CSMD2: variants seen among roughly 807,000 people sequenced by gnomAD.
The protein encoded by CSMD2 is CUB and sushi domain-containing protein 2.
In CSMD2, 130 loss-of-function variants were observed where a neutral mutation model predicts 398.5. The ratio of observed to expected loss-of-function variants is 0.33; its 90% CI spans 0.28 to 0.38. The LOEUF (loss-of-function observed/expected upper bound fraction) is 0.38, where lower values mean the gene tolerates loss of function less well. CSMD2 is among the 10% of genes least tolerant of loss of function. The probability of loss-of-function intolerance (pLI) is 1.00; values close to 1 mark genes in which losing one functional copy is unlikely to be tolerated. For synonymous variants in CSMD2, 1,828 were observed against 1,908.5 expected, an observed-to-expected ratio of 0.96 and a Z score of 1.10; for missense variants, 3,829 against 4,764.9, an observed-to-expected ratio of 0.80 and a Z score of 5.78.
chr1:34,114,796 G>A (rs1661445619), intron 1 of CSMD2, among the ~76,000 whole-genome samples: 1 of 151,976 alleles, frequency 6.6e-6, no homozygotes, highest in African/African-American at 2.4e-5. Flanking sequence ...CAAAATCATT[G>A]TCTTTAAGAA....
At chr1:33,517,898 C>T (rs919251312) in intron 70 of CSMD2, among the ~76,000 whole-genome samples, 7 of 152,358 alleles carry the variant, frequency 4.6e-5, no homozygotes, top group African/African-American at 7.2e-5. Flanking sequence ...TAACCCCCTC[C>T]GCAGGAACTG....
rs544167613 is a variant in CSMD2, at chr1:33,941,381, T to C, written c.518-5427A>G. ...CTGGACAAGCACCCTCCATATGTTT[T>C]GATTTCTTCTCTTCCATCAAGTAAC... On this transcript the variant is annotated intron_variant, in intron 3 of 70. Coordinates refer to ENST00000373381, the MANE Select transcript of CSMD2 (RefSeq NM_001281956.2). Among the ~76,000 whole-genome samples, 4 of 152,334 alleles carry C rather than the reference T, an allele frequency of 2.6e-5. No individual in the cohort carries two copies. The South Asian group carries it at 8.3e-4, about 32-fold the overall frequency.
chr1:33,564,717 T>C (rs1171377659), intron 53 of CSMD2, among the ~76,000 whole-genome samples: 1 of 152,232 alleles, frequency 6.6e-6, no homozygotes, highest in Non-Finnish European at 1.5e-5. Flanking sequence ...TCTTGCTTTC[T>C]GTAACCCTTA....
chr1:33,559,300 T>C lies in CSMD2; in HGVS notation c.8554A>G (p.Ile2852Val). The C allele has an allele frequency of 6.5e-7, 1 of 1,534,892 alleles. No individual in the cohort carries two copies. Among genetic ancestry groups the C allele is most frequent in the Non-Finnish European group, 8.7e-7 (1 of 1,146,804 alleles). Residue 2852 changes from isoleucine to valine, a missense_variant and splice_region_variant, in exon 54 of 71, where the codon ATC (isoleucine) becomes GTC (valine). By Grantham distance (29) the Ile-to-Val change is conservative. Around this residue, in one of 5 missense-constraint regions of CSMD2, gnomAD observed 917 missense variants for 1,199.5 expected, o/e 0.76. Transcript: ENST00000373381. The surrounding 1 kb of genome is among the most constrained non-coding windows in gnomAD (Gnocchi z 4.0). ...GATTGGGAGAGAAAGGGTGACTCACTTCTGCAGGTGGGCAGCATGTCACTC... is the reference window on the plus strand; with the variant it reads ...GATTGGGAGAGAAAGGGTGACTCACCTCTGCAGGTGGGCAGCATGTCACTC... ...QWSDMLPTCR[I>V]INCTDPGHQE...
chr1:34,081,062 A>G (rs550078137), intron 2 of CSMD2, among the ~76,000 whole-genome samples: 41 of 152,294 alleles, frequency 2.7e-4, no homozygotes, highest in South Asian at 8.3e-4. Flanking sequence ...GTACAACCTT[A>G]GGATAATAGA....
chr1:33,979,019 A>T (rs529068369), intron 3 of CSMD2, among the ~76,000 whole-genome samples: 2 of 152,168 alleles, frequency 1.3e-5, no homozygotes, highest in Admixed American at 1.3e-4. Context: ...AACCACAGCC[A>T]TCTCCACCCT....
At chr1:33,525,134 G>A in intron 65 of CSMD2, 91 bp from the exon 66 acceptor site, 4 of 1,369,068 alleles carry the variant, frequency 2.9e-6, no homozygotes, top group Non-Finnish European at 4.1e-6. Context: ...CCACTCACTG[G>A]GATTGTTTCC....
chr1:33,949,969 G>A (rs370713657), intron 3 of CSMD2, among the ~76,000 whole-genome samples: 2 of 152,188 alleles, frequency 1.3e-5, no homozygotes, highest in African/African-American at 4.8e-5. Context: ...TCTCTCCCCT[G>A]GGTTCCTTGC....
chr1:33,863,522 A>T (rs1050642742), intron 5 of CSMD2: 2 of 152,244 alleles, frequency 1.3e-5, no homozygotes, highest in African/African-American at 4.8e-5. Context: ...CCAAGTGCTC[A>T]GGTTTTAAAT....
At chr1:33,825,847 A>T in intron 6 of CSMD2, 73 bp from the exon 7 acceptor site, 1 of 1,250,680 alleles carries the variant, frequency 8.0e-7, no homozygotes, top group South Asian at 1.3e-5. Context: ...CTCTAGAAGG[A>T]TTCCCCCTTG....
At chr1:34,011,387 T>C (rs776244736) in intron 3 of CSMD2, among the ~76,000 whole-genome samples, 3 of 152,274 alleles carry the variant, frequency 2.0e-5, no homozygotes, top group Non-Finnish European at 4.4e-5. Context: ...GAGTCCCATT[T>C]CCATTTGCTC....
chr1:33,576,329 A>C (rs1660070907), intron 49 of CSMD2, among the ~76,000 whole-genome samples: 1 of 152,188 alleles, frequency 6.6e-6, no homozygotes, highest in African/African-American at 2.4e-5. Flanking sequence ...GGTGGCTCAC[A>C]CCTGTAATCA....
chr1:33,805,698 G>A (rs1041048031), intron 10 of CSMD2, among the ~76,000 whole-genome samples: 1 of 152,032 alleles, frequency 6.6e-6, no homozygotes, highest in African/African-American at 2.4e-5. Flanking sequence ...TATGGGAAGG[G>A]GAGGAGGCAT....
At chr1:34,054,391 G>A (rs542150365) in intron 2 of CSMD2, among the ~76,000 whole-genome samples, 1 of 152,122 alleles carries the variant, frequency 6.6e-6, no homozygotes, top group Non-Finnish European at 1.5e-5. Flanking sequence ...ACAGGCATGA[G>A]TGAACTTTTG....
chr1:33,666,886 A>G (rs1315979928), intron 25 of CSMD2, among the ~76,000 whole-genome samples: 1 of 152,100 alleles, frequency 6.6e-6, no homozygotes, highest in Non-Finnish European at 1.5e-5. Context: ...CAGAAAAGAC[A>G]TCGGTGTGGG....
chr1:33,888,535 A>G (rs1226202057), intron 5 of CSMD2, among the ~76,000 whole-genome samples: 1 of 152,208 alleles, frequency 6.6e-6, no homozygotes, highest in Non-Finnish European at 1.5e-5. Context: ...GAGTTAATTC[A>G]TTATTCATTT....
At chr1:33,791,952 C>T (rs149447852) in intron 11 of CSMD2, among the ~76,000 whole-genome samples, 1 of 152,296 alleles carries the variant, frequency 6.6e-6, no homozygotes, top group East Asian at 1.9e-4. Context: ...GGAAGTGTGG[C>T]CACTATGTCT....
In CSMD2 at chr1:33,971,187, G is replaced by A. The variant is rs1037733023; in HGVS notation, c.518-35233C>T. Reference sequence around the variant, plus strand: ...TGGCACGGCCAAGGACACCTTCCCAGAGAGCAGGACTCACGATTAACATGC... The same window carrying A: ...TGGCACGGCCAAGGACACCTTCCCAAAGAGCAGGACTCACGATTAACATGC... On this transcript the variant is annotated intron_variant, in intron 3 of 70. Transcript: ENST00000373381. Among the ~76,000 whole-genome samples the A allele has an allele frequency of 2.6e-5, 4 of 152,212 alleles. No homozygotes were observed. The South Asian group carries it at 6.2e-4, about 24-fold the overall frequency.
chr1:33,725,530 T>C lies in CSMD2; in HGVS notation c.2514A>G (p.Lys838=). 3 of 1,614,094 alleles carry C rather than the reference T, an allele frequency of 1.9e-6. No individual in the cohort carries two copies. In the South Asian group the frequency reaches 3.3e-5, roughly 18 times the overall value. The change falls in exon 17 of 71, where the codon AAA becomes AAG. Residue 838 remains lysine (K), a synonymous_variant. Coordinates refer to ENST00000373381, the MANE Select transcript of CSMD2 (RefSeq NM_001281956.2). ...CCAGGGTGTCATAGTTGACCTCGGT[T>C]TTGAATCTGCCAAATGACAGAAATG... ...YPIKITFDRF[K]TEVNYDTLEV...
Sources: allele counts gnomAD v4.1 joint callset (sites outside exome capture counted in the v4.1 genomes callset), GRCh38; gene constraint gnomAD v4.1.1; regional missense constraint gnomAD v4.1.1; non-coding constraint Gnocchi (gnomAD v3.1); transcripts MANE v1.5; gene names NCBI Gene and HGNC (gene_info 2026-07-23, HGNC 2026-07-21).